CASK: variants seen among roughly 807,000 people sequenced by gnomAD.
CASK encodes the protein calcium/calmodulin dependent serine protein kinase, also known as peripheral plasma membrane protein CASK.
A neutral mutation model predicts 82.9 loss-of-function variants in CASK; 4 were observed. That is an observed-to-expected ratio of 0.05 (90% CI 0.02 to 0.11). The LOEUF is 0.11. Among genes scored for constraint, CASK ranks in the 10% least tolerant of loss-of-function variants. The pLI is 1.00. For missense variants in CASK, 358 were observed against 720.9 expected (o/e 0.50, Z 5.76); for synonymous variants, 259 against 253.5 (o/e 1.02, Z -0.20).
chrX:41,870,925 T>G (rs149736326), intron 1 of CASK, among the ~76,000 whole-genome samples: 2 of 112,123 alleles, frequency 1.8e-5, no homozygotes, highest in East Asian at 5.6e-4. Context: ...AAAACACACA[T>G]TTATTATCTA....
Position 41,515,510 on chromosome X carries a change from C to A in CASK, c.*4910G>T, listed in dbSNP as rs916712042. 1 of 112,116 alleles carries A rather than the reference C, an allele frequency of 8.9e-6. No homozygotes were observed. Among genetic ancestry groups the A allele is most frequent in the Non-Finnish European group, 1.9e-5 (1 of 53,223 alleles). 9.2% of individuals were successfully genotyped at this position (112,116 alleles called of 1,213,427 possible). A position where few individuals can be genotyped will look rare whatever the true frequency, so the allele number is the denominator to read the frequency against. On this transcript the variant is annotated 3_prime_UTR_variant, in exon 27 of 27. Coordinates refer to ENST00000378163, the MANE Select transcript of CASK (RefSeq NM_001367721.1). ...CCCCAGAACTGAGTTTGAATGGCGA[C>A]GTGCCTACACTGCAATTAAACACGA...
At chrX:41,581,856 G>T (rs1279377689) in intron 14 of CASK, among the ~76,000 whole-genome samples, 1 of 110,768 alleles carries the variant, frequency 9.0e-6, no homozygotes, top group Non-Finnish European at 1.9e-5. Context: ...AATCTGATTA[G>T]CATTATAAAT....
At chrX:41,525,161 G>A (rs1385407831) in intron 25 of CASK, among the ~76,000 whole-genome samples, 1 of 111,189 alleles carries the variant, frequency 9.0e-6, no homozygotes, top group Non-Finnish European at 1.9e-5. Flanking sequence ...CAAAACCCAT[G>A]GCTCCCCTGC....
At chrX:41,796,006 C>T (rs1309628190) in intron 2 of CASK, among the ~76,000 whole-genome samples, 5 of 111,577 alleles carry the variant, frequency 4.5e-5, no homozygotes, top group Admixed American at 9.5e-5. Flanking sequence ...GTTGTGGCAC[C>T]GAGGATCTTT....
chrX:41,859,251 G>T (rs772887268), intron 1 of CASK, among the ~76,000 whole-genome samples: 3 of 111,722 alleles, frequency 2.7e-5, no homozygotes, highest in Non-Finnish European at 5.6e-5. Flanking sequence ...GATGGGGAAA[G>T]TGAAGGCCAA....
At chrX:41,562,705 A>C (rs2065247372) in intron 16 of CASK, 1 of 111,432 alleles carries the variant, frequency 9.0e-6, no homozygotes, top group Non-Finnish European at 1.9e-5. Flanking sequence ...TCATGTCAAA[A>C]CTGGTGGGAT....
At chrX:41,695,278 T>C (rs1429010607) in intron 5 of CASK, among the ~76,000 whole-genome samples, 1 of 110,372 alleles carries the variant, frequency 9.1e-6, no homozygotes, top group African/African-American at 3.3e-5. Context: ...TCTCGCAATG[T>C]CTGAAAATAA....
intron 1 of CASK, among the ~76,000 whole-genome samples, chrX:41,857,988 A>G (rs763032364): frequency 8.9e-6 from 1 of 112,612 alleles, no homozygotes; most frequent in East Asian, 2.8e-4. Flanking sequence ...TGAATTCAAC[A>G]TCCAGCCAGA....
At chrX:41,891,929 C>T (rs894931236) in intron 1 of CASK, among the ~76,000 whole-genome samples, 1 of 111,796 alleles carries the variant, frequency 8.9e-6, no homozygotes, top group Non-Finnish European at 1.9e-5. Context: ...GTGGCTCATG[C>T]CTGTAATCCC....
intron 1 of CASK, among the ~76,000 whole-genome samples, chrX:41,874,934 A>G (rs959257839): frequency 1.8e-5 from 2 of 112,747 alleles, no homozygotes; most frequent in Non-Finnish European, 3.7e-5. Flanking sequence ...TGCTTTTCAC[A>G]TAACAGACAA....
At chrX:41,528,814 G>T (rs1200417167) in intron 25 of CASK, among the ~76,000 whole-genome samples, 1 of 112,214 alleles carries the variant, frequency 8.9e-6, no homozygotes, top group Non-Finnish European at 1.9e-5. Context: ...ATGGTCACGG[G>T]TATCCTGAAG....
chrX:41,567,366 T>C (rs2065334585), intron 16 of CASK, among the ~76,000 whole-genome samples: 2 of 111,862 alleles, frequency 1.8e-5, no homozygotes, highest in African/African-American at 3.3e-5. Flanking sequence ...ATCCAGAATC[T>C]ACAAAGAACT....
chrX:41,688,794 A>G (rs2067488355), intron 5 of CASK, among the ~76,000 whole-genome samples: 2 of 110,812 alleles, frequency 1.8e-5, no homozygotes, highest in African/African-American at 6.6e-5. Context: ...CATAAAGAAG[A>G]TATAAATAAT....
At chrX:41,769,620 G>A (rs1280300397) in intron 3 of CASK, among the ~76,000 whole-genome samples, 2 of 110,737 alleles carry the variant, frequency 1.8e-5, no homozygotes, top group Non-Finnish European at 3.8e-5. Context: ...TAAACAGCTA[G>A]GTGCCTGAAG....
At chrX:41,831,651 A>G (rs2070816629) in intron 2 of CASK, among the ~76,000 whole-genome samples, 1 of 112,487 alleles carries the variant, frequency 8.9e-6, no homozygotes, top group South Asian at 3.6e-4. Flanking sequence ...GAAGTAAACA[A>G]TTGAGATATT....
intron 12 of CASK, among the ~76,000 whole-genome samples, chrX:41,603,657 C>T (rs189948585): frequency 2.7e-5 from 3 of 111,862 alleles, no homozygotes; most frequent in Non-Finnish European, 5.6e-5. Context: ...AATCTAATCA[C>T]CCATTATATT....
At chrX:41,637,637 C>T (rs1236893837) in intron 8 of CASK, among the ~76,000 whole-genome samples, 2 of 105,626 alleles carry the variant, frequency 1.9e-5, no homozygotes, top group African/African-American at 6.9e-5. Flanking sequence ...AAATGAATCC[C>T]CCATTATTTA....
rs1488230182 is a variant in CASK, at chrX:41,518,698, C to T, written c.*1722G>A. 9.0e-6 allele frequency: 1 copy of T among 110,795 alleles called. No homozygotes were observed. The highest frequency in any genetic ancestry group is 1.9e-5 in the Non-Finnish European group (1 of 53,029). 9.1% of individuals were successfully genotyped at this position (110,795 alleles called of 1,213,427 possible). On this transcript the variant is annotated 3_prime_UTR_variant, in exon 27 of 27. Coordinates refer to ENST00000378163, the MANE Select transcript of CASK (RefSeq NM_001367721.1). ...TGTTCAGCTCAGAACACACCCTGCA[C>T]ATCCTGCCAAGGCACAAAGTGACAA...
intron 1 of CASK, among the ~76,000 whole-genome samples, chrX:41,890,776 A>T (rs1254987803): frequency 8.9e-6 from 1 of 112,150 alleles, no homozygotes; most frequent in African/African-American, 3.2e-5. Flanking sequence ...GGTACTGTGT[A>T]GTACATATGA....
Sources: allele counts gnomAD v4.1 joint callset (sites outside exome capture counted in the v4.1 genomes callset), GRCh38; gene constraint gnomAD v4.1.1; transcripts MANE v1.5; gene names NCBI Gene and HGNC (gene_info 2026-07-23, HGNC 2026-07-21).